Variants in SPRING1 observed in about 807,000 individuals in gnomAD.
SPRING1 encodes SREBP regulating gene protein.
Under a neutral mutation model 24.7 loss-of-function variants are expected in SPRING1, and 14 were observed. That is an observed-to-expected ratio of 0.57 (90% CI 0.37 to 0.88). SPRING1 has a LOEUF of 0.88. Among genes scored for constraint, SPRING1 ranks in the 40% least tolerant of loss-of-function variants. SPRING1 has a pLI of 0.00. For synonymous variants in SPRING1, 93 were observed against 106.1 expected (o/e 0.88, Z 0.76); for missense variants, 255 against 268.4 (o/e 0.95, Z 0.35).
Position 116,728,461 on chromosome 12 carries a change from T to C in SPRING1, c.112-5238A>G, listed in dbSNP as rs553606487. ...TCACCATTCCCAACCCTCCCCTCAA[T>C]GGCATCCCCACCATCATCACTGATT... On this transcript the variant is annotated intron_variant, in intron 1 of 4. Transcript: ENST00000261318. The surrounding 1 kb of genome is among the most constrained non-coding windows in gnomAD (Gnocchi z 4.2). Among the ~76,000 whole-genome samples, 1 of 152,226 alleles carries C rather than the reference T, an allele frequency of 6.6e-6. No individual in the cohort carries two copies. The highest frequency in any genetic ancestry group is 1.5e-5 in the Non-Finnish European group (1 of 67,992).
chr12:116,719,678 CAA>C, intron 4 of SPRING1, 83 bp downstream of exon 4: 2 of 1,161,802 alleles, frequency 1.7e-6, no homozygotes, highest in South Asian at 2.7e-5. Context: ...ACCACCCCAC[CAA>C]AAGGATCGAC....
At chr12:116,734,536 A>G (rs1871138654) in intron 1 of SPRING1, among the ~76,000 whole-genome samples, 1 of 152,208 alleles carries the variant, frequency 6.6e-6, no homozygotes, top group South Asian at 2.1e-4. Context: ...CATTCATCCC[A>G]GTTAAAAAGA....
intron 2 of SPRING1, among the ~76,000 whole-genome samples, chr12:116,721,511 GC>G (rs1870434059): frequency 6.6e-6 from 1 of 152,196 alleles, no homozygotes; most frequent in African/African-American, 2.4e-5. Flanking sequence ...AACTAAAAGG[GC>G]CCTCACTTAA....
chr12:116,723,281 A>G lies in SPRING1; in HGVS notation c.112-58T>C, dbSNP rs563294270. On this transcript the variant is annotated intron_variant, in intron 1 of 4. Coordinates refer to ENST00000261318, the MANE Select transcript of SPRING1 (RefSeq NM_024738.4). ...ATCCAGTATCCTTTCTTACAATTTC[A>G]CCAGTTTTTCACAGAAACTACAGTA... The G allele has an allele frequency of 2.0e-4, 323 of 1,590,384 alleles. 4 individuals are homozygous for G. The South Asian group carries it at 2.5e-3, about 12-fold the overall frequency.
At chr12:116,726,810 A>C (rs1272647882) in intron 1 of SPRING1, among the ~76,000 whole-genome samples, 2 of 152,210 alleles carry the variant, frequency 1.3e-5, no homozygotes, top group Non-Finnish European at 2.9e-5. Flanking sequence ...AGTGCTCTTA[A>C]CATTACTCCC....
intron 1 of SPRING1, among the ~76,000 whole-genome samples, chr12:116,727,116 A>AT (rs1870733414): frequency 6.6e-6 from 1 of 152,168 alleles, no homozygotes; most frequent in Non-Finnish European, 1.5e-5. Flanking sequence ...CACCTACCCT[A>AT]TTAGGTTGTC....
At chr12:116,730,527 T>C (rs1870925861) in intron 1 of SPRING1, among the ~76,000 whole-genome samples, 2 of 152,328 alleles carry the variant, frequency 1.3e-5, no homozygotes, top group East Asian at 1.9e-4. Flanking sequence ...AAACAAGCGT[T>C]ACATACTTTA....
intron 2 of SPRING1, 26 bp downstream of exon 2, chr12:116,723,041 T>G: frequency 1.2e-6 from 2 of 1,612,080 alleles, no homozygotes; most frequent in Non-Finnish European, 1.7e-6. Context: ...CCTGACCGCC[T>G]GGAGAGGAAG....
rs1282593091 is a variant in SPRING1, at chr12:116,715,256, T to A, written c.*2554A>T. ...ACCAATGAAATGTTTTCTAAAGGTG[T>A]TTTCATCCCTTTTGTGATCTCCTAA... On this transcript the variant is annotated 3_prime_UTR_variant, in exon 5 of 5. Coordinates refer to ENST00000261318, the MANE Select transcript of SPRING1 (RefSeq NM_024738.4). The A allele has an allele frequency of 1.3e-5, 2 of 152,018 alleles. No individual in the cohort carries two copies. The highest frequency in any genetic ancestry group is 2.9e-5 in the Non-Finnish European group (2 of 68,028). 9.4% of individuals were successfully genotyped at this position (152,018 alleles called of 1,614,324 possible). A position where few individuals can be genotyped will look rare whatever the true frequency, so the allele number is the denominator to read the frequency against.
Position 116,717,590 on chromosome 12 carries a change from C to T in SPRING1, c.*220G>A. The T allele has an allele frequency of 2.2e-6, 1 of 454,010 alleles. No individual in the cohort carries two copies. Among genetic ancestry groups the T allele is most frequent in the Non-Finnish European group, 3.9e-6 (1 of 253,814 alleles). 28.1% of individuals were successfully genotyped at this position (454,010 alleles called of 1,614,324 possible). On this transcript the variant is annotated 3_prime_UTR_variant, in exon 5 of 5. Transcript: ENST00000261318. The surrounding 1 kb of genome is among the most constrained non-coding windows in gnomAD (Gnocchi z 4.2). The stretch of plus-strand genomic sequence containing the variant: ...TTTCATCTTTCCCGAATGGGACTGG[C>T]TGGAGGGGCCAAGCTGCTTTACAGA...
intron 4 of SPRING1, among the ~76,000 whole-genome samples, chr12:116,718,450 A>C (rs1236061437): frequency 1.3e-5 from 2 of 152,264 alleles, no homozygotes; most frequent in African/African-American, 4.8e-5. Flanking sequence ...ATTTTTCAGC[A>C]ATTTGTTTTC....
chr12:116,713,293 T>G lies in SPRING1; in HGVS notation c.*4517A>C, dbSNP rs1869952929. On this transcript the variant is annotated 3_prime_UTR_variant, in exon 5 of 5. Coordinates refer to ENST00000261318, the MANE Select transcript of SPRING1 (RefSeq NM_024738.4). The stretch of plus-strand genomic sequence containing the variant: ...AGCTTAGTTGTTTCTAACACAGGGC[T>G]GAAAAACAAGAGAAGGGGACAAAGG... The G allele has an allele frequency of 6.6e-6, 1 of 152,234 alleles. No individual in the cohort carries two copies. Among genetic ancestry groups the G allele is most frequent in the Non-Finnish European group, 1.5e-5 (1 of 68,036 alleles). 9.4% of individuals were successfully genotyped at this position (152,234 alleles called of 1,614,324 possible).
intron 1 of SPRING1, 138 bp downstream of exon 1, chr12:116,737,652 A>G: frequency 1.0e-6 from 1 of 984,688 alleles, no homozygotes; most frequent in Non-Finnish European, 1.4e-6. Context: ...AAGGGGAGAA[A>G]GAAAGGAAGG....
rs1003306608 is a variant in SPRING1 at position 116,712,339 on chromosome 12, C to T, written c.*5471G>A. The T allele has an allele frequency of 6.6e-6, 1 of 152,244 alleles. No homozygotes were observed. The highest frequency in any genetic ancestry group is 6.5e-5 in the Admixed American group (1 of 15,282). 9.4% of individuals were successfully genotyped at this position (152,244 alleles called of 1,614,324 possible). ...GTCGGCCCATATGCACGTCACCACT[C>T]GGCTCCCAGCTCAGGTGCAGACCAA... On this transcript the variant is annotated 3_prime_UTR_variant, in exon 5 of 5. Transcript: ENST00000261318.
Position 116,720,425 on chromosome 12 carries a change from A to C in SPRING1, c.291T>G (p.Asp97Glu), listed in dbSNP as rs781708387. Residue 97 changes from aspartate to glutamate, a missense_variant, in exon 3 of 5, where the codon GAT becomes GAG. Transcript: ENST00000261318. This position sits in a 1 kb window ranked among gnomAD's most constrained non-coding sequence, Gnocchi z 4.0. Reference sequence around the variant, plus strand: ...CATTACAGCAGCCATTTACCAGCAAATCCTTCCTCTCGCAAACGTAGCCTG... The same window carrying C: ...CATTACAGCAGCCATTTACCAGCAACTCCTTCCTCTCGCAAACGTAGCCTG... ...DELGYVCERK[D>E]LLVNGCCNVN... 4.3e-6 allele frequency: 7 copies of C among 1,613,992 alleles called. No homozygotes were observed. The highest frequency in any genetic ancestry group is 3.4e-6 in the Non-Finnish European group (4 of 1,180,002).
intron 1 of SPRING1, among the ~76,000 whole-genome samples, chr12:116,732,479 G>A (rs933804827): frequency 5.3e-5 from 8 of 152,094 alleles, no homozygotes; most frequent in East Asian, 1.9e-4. Flanking sequence ...AGGCCGAGGC[G>A]GGCAGATCAT....
intron 1 of SPRING1, among the ~76,000 whole-genome samples, chr12:116,730,990 G>GA (rs1192029916): frequency 6.6e-6 from 1 of 152,268 alleles, no homozygotes; most frequent in Admixed American, 6.5e-5. Context: ...AGTGTTCCAT[G>GA]AAAAAAAGTG....
In SPRING1 at chr12:116,737,846, G is replaced by T; in HGVS notation, c.55C>A (p.Leu19Ile). 6.3e-7 allele frequency: 1 copy of T among 1,588,872 alleles called. No individual in the cohort carries two copies. Among genetic ancestry groups the T allele is most frequent in the Non-Finnish European group, 8.6e-7 (1 of 1,168,386 alleles). ...AGCGACAGCCCGAAGACCAGGGCGAGCACCCACCTCTTCCGCAGAAGCCGG... is the reference window on the plus strand; with the variant it reads ...AGCGACAGCCCGAAGACCAGGGCGATCACCCACCTCTTCCGCAGAAGCCGG... ...WRRLLRKRWV[L>I]ALVFGLSLVY... The change falls in exon 1 of 5, where the codon CTC becomes ATC. Residue 19 changes from leucine to isoleucine, a missense_variant. Physicochemically the swap from Leu to Ile is conservative, Grantham distance 5 (BLOSUM62 2). Transcript: ENST00000261318.
chr12:116,720,018 C>T lies in SPRING1; in HGVS notation c.421-142G>A, dbSNP rs2270619. On this transcript the variant is annotated intron_variant, in intron 3 of 4. Transcript: ENST00000261318. This position sits in a 1 kb window ranked among gnomAD's most constrained non-coding sequence, Gnocchi z 4.0. ...AAAAGGAGGGAGGGGAAAGGACACA[C>T]GCGTGCACACACGTGCATGCCAAAA... The T allele has an allele frequency of 2.7e-5, 21 of 767,286 alleles. No homozygotes were observed. The highest frequency in any genetic ancestry group is 1.6e-4 in the East Asian group (6 of 37,466). The allele number at this position is 767,286 out of a possible 1,614,324, so 47.5% of individuals were successfully genotyped here. A position where few individuals can be genotyped will look rare whatever the true frequency, so the allele number is the denominator to read the frequency against.
Sources: gnomAD v4.1 joint callset for allele counts (sites outside exome capture counted in the v4.1 genomes callset) on GRCh38, gnomAD v4.1.1 for gene constraint, Gnocchi (gnomAD v3.1) non-coding constraint, MANE v1.5 for transcripts, NCBI Gene and HGNC (gene_info 2026-07-23, HGNC 2026-07-21) for gene names.